Variants in CACNA2D3 observed in about 807,000 individuals in gnomAD.
CACNA2D3 encodes the protein calcium voltage-gated channel auxiliary subunit alpha2delta 3.
CACNA2D3 carries 60 observed loss-of-function variants against 160.6 expected under a neutral mutation model. The observed-to-expected ratio is 0.37, with a 90% CI of 0.30 to 0.46. The LOEUF (loss-of-function observed/expected upper bound fraction) is 0.46. Ranked by LOEUF, CACNA2D3 falls within the 20% of genes least tolerant of loss-of-function variation. The pLI, the probability that CACNA2D3 is intolerant of heterozygous loss-of-function variation, is 1.00. For missense variants in CACNA2D3, 1,205 were observed against 1,365.0 expected, an observed-to-expected ratio of 0.88 and a Z score of 1.85; for synonymous variants, 558 against 492.9, an observed-to-expected ratio of 1.13 and a Z score of -1.75.
chr3:54,452,763 T>C (rs6789236), intron 4 of CACNA2D3, among the ~76,000 whole-genome samples: 26,246 of 152,002 alleles, frequency 0.17, 3,050 homozygotes, highest in African/African-American at 0.33. Flanking sequence ...ATGTCTGAAA[T>C]TGAGATGTCA....
At chr3:54,480,565 CACAA>C (rs1394314545) in intron 4 of CACNA2D3, among the ~76,000 whole-genome samples, 2 of 152,046 alleles carry the variant, frequency 1.3e-5, no homozygotes, top group Admixed American at 1.3e-4. Flanking sequence ...AAGCAGGGGT[CACAA>C]ACAAGTTAAA....
intron 9 of CACNA2D3, among the ~76,000 whole-genome samples, chr3:54,588,515 A>G (rs963665895): frequency 6.6e-6 from 1 of 152,178 alleles, no homozygotes; most frequent in African/African-American, 2.4e-5. Flanking sequence ...AAAACTTCCT[A>G]TTTTCAGATA....
chr3:54,188,378 A>G (rs1700920920), intron 2 of CACNA2D3, among the ~76,000 whole-genome samples: 1 of 152,248 alleles, frequency 6.6e-6, no homozygotes, highest in Admixed American at 6.5e-5. Flanking sequence ...CAACCTGTCC[A>G]GCTTCAGGAC....
At chr3:54,127,886 T>G (rs899933043) in intron 2 of CACNA2D3, among the ~76,000 whole-genome samples, 1 of 152,024 alleles carries the variant, frequency 6.6e-6, no homozygotes, top group Non-Finnish European at 1.5e-5. Context: ...TTGCTAACTT[T>G]CGGTCTGAGC....
intron 11 of CACNA2D3, among the ~76,000 whole-genome samples, chr3:54,743,325 C>T (rs538074370): frequency 2.4e-4 from 37 of 152,104 alleles, no homozygotes; most frequent in African/African-American, 4.8e-4. Flanking sequence ...ATGAGGATGA[C>T]GGTAACTGGG....
At chr3:54,993,199 C>T (rs576372987) in intron 31 of CACNA2D3, among the ~76,000 whole-genome samples, 1 of 152,290 alleles carries the variant, frequency 6.6e-6, no homozygotes, top group South Asian at 2.1e-4. Flanking sequence ...TCCTAGAGGC[C>T]CCTGGGGGGC....
intron 4 of CACNA2D3, among the ~76,000 whole-genome samples, chr3:54,450,646 C>CCTCTTGCACG (rs1559484189): frequency 6.6e-6 from 1 of 152,116 alleles, no homozygotes; most frequent in Non-Finnish European, 1.5e-5. Flanking sequence ...TCTCTTGCTT[C>CCTCTTGCACG]CTCTCTCAGC....
At chr3:54,821,181 A>G (rs1703582924) in intron 14 of CACNA2D3, among the ~76,000 whole-genome samples, 1 of 152,250 alleles carries the variant, frequency 6.6e-6, no homozygotes, top group Non-Finnish European at 1.5e-5. Flanking sequence ...GTATTAGTTA[A>G]TATCAACCTG....
chr3:54,541,330 A>G (rs75706771), intron 5 of CACNA2D3, among the ~76,000 whole-genome samples: 2,022 of 151,730 alleles, frequency 0.013, 72 homozygotes, highest in East Asian at 0.12. Flanking sequence ...GAAAAGGGAA[A>G]GACACACAGA....
chr3:54,994,803 G>C (rs898617672), intron 31 of CACNA2D3, among the ~76,000 whole-genome samples: 1 of 152,168 alleles, frequency 6.6e-6, no homozygotes, highest in East Asian at 1.9e-4. Context: ...TGAGTGAGAA[G>C]ACAGAATTTG....
At chr3:54,720,011 GATTA>G (rs1301729547) in intron 11 of CACNA2D3, among the ~76,000 whole-genome samples, 1 of 151,716 alleles carries the variant, frequency 6.6e-6, no homozygotes, top group Non-Finnish European at 1.5e-5. Flanking sequence ...TTTCCAATAT[GATTA>G]ATTTATGTTT....
At chr3:54,580,494 C>T (rs982980636) in intron 8 of CACNA2D3, among the ~76,000 whole-genome samples, 2 of 152,160 alleles carry the variant, frequency 1.3e-5, no homozygotes, top group African/African-American at 4.8e-5. Flanking sequence ...ACTCCCGAGG[C>T]CCTCTTTGCT....
chr3:55,036,239 G>A (rs768857333), intron 35 of CACNA2D3, among the ~76,000 whole-genome samples: 1 of 151,996 alleles, frequency 6.6e-6, no homozygotes, highest in Non-Finnish European at 1.5e-5. Context: ...TTGAGGTGAG[G>A]AGTTCGAGAC....
At chr3:54,333,156 G>A (rs1428649058) in intron 3 of CACNA2D3, among the ~76,000 whole-genome samples, 3 of 152,072 alleles carry the variant, frequency 2.0e-5, no homozygotes, top group South Asian at 2.1e-4. Context: ...GCTGTGAGGG[G>A]CATGGTGTGG....
At chr3:55,020,011 T>C (rs1483531005) in intron 35 of CACNA2D3, among the ~76,000 whole-genome samples, 1 of 152,084 alleles carries the variant, frequency 6.6e-6, no homozygotes, top group Non-Finnish European at 1.5e-5. Flanking sequence ...AGATTTTTGG[T>C]AGTAACGATT....
At chr3:54,469,601 G>A (rs746660269) in intron 4 of CACNA2D3, among the ~76,000 whole-genome samples, 2 of 152,064 alleles carry the variant, frequency 1.3e-5, no homozygotes, top group Non-Finnish European at 2.9e-5. Context: ...ACAGAAGTAG[G>A]CTTCAGAAGG....
chr3:54,574,124 C>G (rs1330779841), intron 8 of CACNA2D3, among the ~76,000 whole-genome samples: 7 of 152,136 alleles, frequency 4.6e-5, no homozygotes, highest in African/African-American at 1.7e-4. Context: ...CCCTCCATTA[C>G]ACTGTCAGCC....
At chr3:54,676,914 A>G (rs1700253915) in intron 11 of CACNA2D3, among the ~76,000 whole-genome samples, 1 of 152,160 alleles carries the variant, frequency 6.6e-6, no homozygotes, top group South Asian at 2.1e-4. Flanking sequence ...TTTGGCACCA[A>G]GTAGGGAGTC....
At position 54,390,554 on chromosome 3, in the gene CACNA2D3, A is replaced by G. The variant is rs141169126; in HGVS notation, c.381+3780A>G. ...GTTGAAATACTCTGTCAATATGACA[A>G]TGCCATTCACACTGGTGCTCCGACC... On this transcript the variant is annotated intron_variant, in intron 4 of 37. Coordinates refer to ENST00000474759, the MANE Select transcript of CACNA2D3 (RefSeq NM_018398.3). 3.0e-3 allele frequency among the ~76,000 whole-genome samples: 458 copies of G among 152,350 alleles called. 4 individuals are homozygous for G. The highest frequency in any genetic ancestry group is 5.1e-3 in the Non-Finnish European group (344 of 68,030).
Sources: allele counts gnomAD v4.1 joint callset (sites outside exome capture counted in the v4.1 genomes callset), GRCh38; gene constraint gnomAD v4.1.1; transcripts MANE v1.5; gene names NCBI Gene and HGNC (gene_info 2026-07-23, HGNC 2026-07-21).